Variants in DISC1 observed in about 807,000 individuals in gnomAD.
The protein encoded by DISC1 is disrupted in schizophrenia 1 protein.
DISC1 carries 57 observed loss-of-function variants against 84.5 expected under a neutral mutation model. That is an observed-to-expected ratio of 0.67 (90% confidence interval 0.55 to 0.84). DISC1 has a LOEUF of 0.84. Among genes scored for constraint, DISC1 ranks in the 40% least tolerant of loss-of-function variants. The pLI is 0.00. For synonymous variants in DISC1, 411 were observed against 415.2 expected, an observed-to-expected ratio of 0.99 and a Z score of 0.12; for missense variants, 1,000 against 1,057.8, an observed-to-expected ratio of 0.95 and a Z score of 0.76.
chr1:231,987,339 TCA>T (rs1664587476), intron 10 of DISC1, among the ~76,000 whole-genome samples: 1 of 152,242 alleles, frequency 6.6e-6, no homozygotes, highest in Non-Finnish European at 1.5e-5. Context: ...CACATTGCCT[TCA>T]TCGTCAGCTG....
chr1:231,939,820 G>A (rs771214531), intron 9 of DISC1, among the ~76,000 whole-genome samples: 29 of 151,860 alleles, frequency 1.9e-4, no homozygotes, highest in East Asian at 3.9e-4. Flanking sequence ...TCAGCTCACC[G>A]CAACCTCCGC....
chr1:231,939,496 G>A (rs527365843), intron 9 of DISC1, among the ~76,000 whole-genome samples: 16 of 152,238 alleles, frequency 1.1e-4, no homozygotes, highest in Admixed American at 9.1e-4. Flanking sequence ...CCCTTTGTTT[G>A]TGGGAGAAAA....
intron 6 of DISC1, among the ~76,000 whole-genome samples, chr1:231,794,227 C>T (rs1350092378): frequency 2.0e-5 from 3 of 147,644 alleles, no homozygotes; most frequent in African/African-American, 7.6e-5. Flanking sequence ...TTAGATTTAT[C>T]TTCTTGCTAG....
chr1:231,686,758 A>T (rs928687908), intron 1 of DISC1, among the ~76,000 whole-genome samples: 1 of 152,074 alleles, frequency 6.6e-6, no homozygotes, highest in African/African-American at 2.4e-5. Flanking sequence ...TTTCTGTCAC[A>T]TTGTTATGCT....
chr1:231,660,009 T>C (rs1007807301), intron 1 of DISC1, among the ~76,000 whole-genome samples: 2 of 152,208 alleles, frequency 1.3e-5, no homozygotes, highest in Admixed American at 1.3e-4. Context: ...AGGGCTGAGT[T>C]CAGGTCCTTA....
At chr1:231,817,052 G>A (rs1203296741) in intron 8 of DISC1, among the ~76,000 whole-genome samples, 4 of 151,876 alleles carry the variant, frequency 2.6e-5, no homozygotes, top group Non-Finnish European at 4.4e-5. Flanking sequence ...CAATCATAGT[G>A]CACTACAGCC....
At chr1:231,865,457 T>G (rs2084984437) in intron 9 of DISC1, among the ~76,000 whole-genome samples, 1 of 152,230 alleles carries the variant, frequency 6.6e-6, no homozygotes, top group African/African-American at 2.4e-5. Context: ...GCTAAACCTT[T>G]GTTGTATTAT....
chr1:231,642,788 G>C (rs907422385), intron 1 of DISC1, among the ~76,000 whole-genome samples: 1 of 152,148 alleles, frequency 6.6e-6, no homozygotes, highest in African/African-American at 2.4e-5. Context: ...TACCCAAAGA[G>C]GGCATTCTAA....
At chr1:231,904,363 T>G (rs1223695897) in intron 9 of DISC1, among the ~76,000 whole-genome samples, 1 of 152,156 alleles carries the variant, frequency 6.6e-6, no homozygotes, top group Non-Finnish European at 1.5e-5. Flanking sequence ...AATTTAGTCC[T>G]AAATATATTA....
rs1269509042 is a variant in DISC1 at position 231,982,802 on chromosome 1, TGAGGGCATGG to T, written c.2042+23920_2042+23929del. On this transcript the variant is annotated intron_variant, in intron 10 of 12. Coordinates refer to ENST00000439617, the MANE Select transcript of DISC1 (RefSeq NM_018662.3). ...AGCGTGTGAAGAACAAAATGAAAGCTGAGGGCATGGGAGGGTACATCGTAAGAGCAAGGAG... is the reference window on the plus strand; with the variant it reads ...AGCGTGTGAAGAACAAAATGAAAGCTGAGGGTACATCGTAAGAGCAAGGAG... Among the ~76,000 whole-genome samples the T allele has an allele frequency of 2.0e-5, 3 of 152,052 alleles. No individual in the cohort carries two copies. In the East Asian group the frequency reaches 5.8e-4, roughly 29 times the overall value.
intron 9 of DISC1, among the ~76,000 whole-genome samples, chr1:231,937,035 A>C (rs2091021709): frequency 6.6e-6 from 1 of 152,200 alleles, no homozygotes; most frequent in African/African-American, 2.4e-5. Flanking sequence ...TCATGACAGA[A>C]AGAGTATCAG....
intron 9 of DISC1, among the ~76,000 whole-genome samples, chr1:231,894,815 CTGTT>C (rs577766826): frequency 1.5e-3 from 219 of 142,538 alleles, no homozygotes; most frequent in South Asian, 2.2e-3. Context: ...TTCCATTGAT[CTGTT>C]TGTTTCTTTC....
At chr1:231,760,393 G>A (rs976347758) in intron 4 of DISC1, among the ~76,000 whole-genome samples, 3 of 152,124 alleles carry the variant, frequency 2.0e-5, no homozygotes, top group Non-Finnish European at 4.4e-5. Flanking sequence ...GGACACACAA[G>A]TCATATGACA....
At chr1:231,972,375 T>G (rs1399004397) in intron 10 of DISC1, among the ~76,000 whole-genome samples, 20 of 152,186 alleles carry the variant, frequency 1.3e-4, no homozygotes, top group Non-Finnish European at 2.9e-5. Context: ...ATCTGGTTCC[T>G]TAGATCTGTA....
intron 1 of DISC1, among the ~76,000 whole-genome samples, chr1:231,651,592 A>G (rs1288670603): frequency 6.6e-6 from 1 of 152,198 alleles, no homozygotes; most frequent in Non-Finnish European, 1.5e-5. Context: ...CTCAAACACC[A>G]TGCTGGGAGA....
At chr1:232,003,582 A>G (rs1666976281) in intron 10 of DISC1, among the ~76,000 whole-genome samples, 1 of 152,152 alleles carries the variant, frequency 6.6e-6, no homozygotes. Flanking sequence ...ACAAATATAT[A>G]AAGATTTTAA....
intron 9 of DISC1, among the ~76,000 whole-genome samples, chr1:231,942,587 C>T (rs1180332413): frequency 6.6e-6 from 1 of 152,170 alleles, no homozygotes; most frequent in African/African-American, 2.4e-5. Context: ...ATTGCTTGGA[C>T]CTGGGAGGCA....
At chr1:231,680,716 A>G (rs1004344402) in intron 1 of DISC1, among the ~76,000 whole-genome samples, 3 of 152,258 alleles carry the variant, frequency 2.0e-5, no homozygotes, top group South Asian at 2.1e-4. Context: ...AACTTACTTA[A>G]AAGATGCTCC....
chr1:231,935,882 T>C (rs2090953184), intron 9 of DISC1, among the ~76,000 whole-genome samples: 2 of 152,228 alleles, frequency 1.3e-5, no homozygotes, highest in South Asian at 2.1e-4. Context: ...GTTGAACGTA[T>C]GGAAGTTACA....
Sources: allele counts gnomAD v4.1 joint callset (sites outside exome capture counted in the v4.1 genomes callset), GRCh38; gene constraint gnomAD v4.1.1; transcripts MANE v1.5; gene names NCBI Gene and HGNC (gene_info 2026-07-23, HGNC 2026-07-21).